Variants in CTCF observed in about 807,000 individuals in gnomAD.
CTCF encodes CCCTC-binding factor.
Under a neutral mutation model 72.3 loss-of-function variants are expected in CTCF, and 7 were observed. The observed-to-expected ratio is 0.10, with a 90% CI of 0.06 to 0.18. The LOEUF is 0.18. Ranked by LOEUF, CTCF falls within the 10% of genes least tolerant of loss-of-function variation. CTCF has a pLI of 1.00. For synonymous variants in CTCF, 374 were observed against 315.8 expected, an observed-to-expected ratio of 1.18 and a Z score of -1.95; for missense variants, 516 against 949.1, an observed-to-expected ratio of 0.54 and a Z score of 6.00.
rs374563183 is a variant in CTCF at position 67,628,363 on chromosome 16, G to A, written c.1519-7G>A. The A allele has an allele frequency of 4.9e-5, 79 of 1,612,094 alleles. No homozygotes were observed. In the East Asian group the frequency reaches 9.8e-4, roughly 20 times the overall value. ...GCTCTGAGGCCTTTCCCCCTATGCC[G>A]TTTCAGGAGAGGCACATGATCATGC... On this transcript the variant is annotated splice_polypyrimidine_tract_variant and splice_region_variant and intron_variant, in intron 8 of 11. Transcript: ENST00000264010.
At chr16:67,637,648 T>G in intron 11 of CTCF, 40 bp from the exon 12 acceptor site, 1 of 1,569,150 alleles carries the variant, frequency 6.4e-7, no homozygotes, top group Non-Finnish European at 8.7e-7. Flanking sequence ...TCTTGGGGCT[T>G]TAATGGACCA....
intron 2 of CTCF, among the ~76,000 whole-genome samples, chr16:67,604,386 A>G (rs938889770): frequency 6.6e-6 from 1 of 152,118 alleles, no homozygotes; most frequent in Non-Finnish European, 1.5e-5. Context: ...CTCTGTTGCC[A>G]GGCTGGAGTG....
intron 10 of CTCF, among the ~76,000 whole-genome samples, chr16:67,631,150 G>C (rs1006498468): frequency 1.5e-5 from 2 of 132,532 alleles, no homozygotes; most frequent in Non-Finnish European, 3.2e-5. Flanking sequence ...TTTGTTCTTT[G>C]TTTGTTTTTT....
intron 7 of CTCF, 67 bp downstream of exon 7, chr16:67,621,658 A>T: frequency 8.2e-7 from 1 of 1,213,448 alleles, no homozygotes; most frequent in Non-Finnish European, 1.2e-6. Context: ...AAATATGGGG[A>T]TCAAAAATAA....
intron 8 of CTCF, 101 bp from the exon 9 acceptor site, chr16:67,628,268 AG>A: frequency 9.8e-7 from 1 of 1,023,296 alleles, no homozygotes; most frequent in Non-Finnish European, 1.4e-6. Flanking sequence ...GTCTAGACCT[AG>A]CTTGGGTGAG....
chr16:67,626,975 TGAG>T (rs1282321779), intron 8 of CTCF: 2 of 305,702 alleles, frequency 6.5e-6, no homozygotes, highest in Non-Finnish European at 6.0e-6. Context: ...GTCCAGGACT[TGAG>T]AGAGGGGAAG....
intron 2 of CTCF, among the ~76,000 whole-genome samples, chr16:67,588,688 A>G (rs1010458759): frequency 6.6e-6 from 1 of 151,444 alleles, no homozygotes; most frequent in African/African-American, 2.4e-5. Context: ...CCACATCAAA[A>G]TAATATATAT....
At position 67,611,133 on chromosome 16, in the gene CTCF, G is replaced by A; in HGVS notation, c.301G>A (p.Val101Ile). 1 of 1,614,220 alleles carries A rather than the reference G, an allele frequency of 6.2e-7. No homozygotes were observed. The highest frequency in any genetic ancestry group is 1.1e-5 in the South Asian group (1 of 91,090). The change falls in exon 3 of 12, where the codon GTA becomes ATA. Residue 101 changes from valine (V) to isoleucine (I), a missense_variant. This residue lies in a region of CTCF where 148 missense variants were observed against 194.9 expected (regional missense o/e 0.76). Transcript: ENST00000264010. ...TACCCAGATTATAACTTTACAGGTT[G>A]TAAATATGGAGGAACAGCCCATAAA... ...DDTQIITLQV[V>I]NMEEQPINIG... is the part of the protein sequence containing the mutation.
intron 1 of CTCF, among the ~76,000 whole-genome samples, chr16:67,565,084 C>T (rs2051325085): frequency 6.6e-6 from 1 of 151,892 alleles, no homozygotes; most frequent in African/African-American, 2.4e-5. Flanking sequence ...TCACTGCAAC[C>T]TCTGCCTCCC....
chr16:67,584,150 C>T lies in CTCF; in HGVS notation c.-10+12886C>T, dbSNP rs142013216. 9.9e-3 allele frequency among the ~76,000 whole-genome samples: 1,499 copies of T among 151,786 alleles called. 20 individuals are homozygous for T. Among genetic ancestry groups the T allele is most frequent in the Admixed American group, 0.011 (169 of 15,228 alleles). On this transcript the variant is annotated intron_variant, in intron 2 of 11. Transcript: ENST00000264010. ...ACTTTGGAGGCCGAAGTGGGTGGAT[C>T]ACCTGAGGTCAGGAGTTCGAGACTA...
At chr16:67,605,143 T>C (rs2051957497) in intron 2 of CTCF, among the ~76,000 whole-genome samples, 1 of 151,964 alleles carries the variant, frequency 6.6e-6, no homozygotes, top group Non-Finnish European at 1.5e-5. Context: ...TGGCTAATTT[T>C]TTGTATTTTT....
intron 2 of CTCF, among the ~76,000 whole-genome samples, chr16:67,591,696 C>T (rs1437668838): frequency 1.3e-5 from 2 of 151,526 alleles, no homozygotes; most frequent in African/African-American, 4.9e-5. Flanking sequence ...TCCTTTCATC[C>T]TCAGGAAAAA....
chr16:67,605,205 C>T (rs2051958381), intron 2 of CTCF, among the ~76,000 whole-genome samples: 1 of 152,102 alleles, frequency 6.6e-6, no homozygotes, highest in Admixed American at 6.5e-5. Flanking sequence ...GGTCTCCTGA[C>T]CTCATGATCC....
At chr16:67,604,319 A>G (rs183229096) in intron 2 of CTCF, among the ~76,000 whole-genome samples, 31 of 151,408 alleles carry the variant, frequency 2.0e-4, no homozygotes, top group Admixed American at 4.0e-4. Context: ...AAGCATAACA[A>G]TTTTTTTTGT....
At position 67,620,681 on chromosome 16, in the gene CTCF, T is replaced by G. The variant is rs772475574; in HGVS notation, c.1087-16T>G. On this transcript the variant is annotated splice_polypyrimidine_tract_variant and intron_variant, in intron 5 of 11. Coordinates refer to ENST00000264010, the MANE Select transcript of CTCF (RefSeq NM_006565.4). ...GTGTTAACAGAAGTTAAAGTTCGGT[T>G]GTTTTCGTATTTCAGGTCAGCAAAT... 5.2e-6 allele frequency: 8 copies of G among 1,541,736 alleles called. No homozygotes were observed. Among genetic ancestry groups the G allele is most frequent in the African/African-American group, 1.4e-5 (1 of 73,858 alleles).
At position 67,620,831 on chromosome 16, in the gene CTCF, A is replaced by G; in HGVS notation, c.1207+14A>G. The G allele has an allele frequency of 6.4e-7, 1 of 1,566,408 alleles. No individual in the cohort carries two copies. The highest frequency in any genetic ancestry group is 8.7e-7 in the Non-Finnish European group (1 of 1,145,844). On this transcript the variant is annotated intron_variant, in intron 6 of 11. Coordinates refer to ENST00000264010, the MANE Select transcript of CTCF (RefSeq NM_006565.4). ...GAACCCATTCAGGTAGGACTTCTCC[A>G]CTCCTTACTGTATTAATGAGCTTCT...
intron 8 of CTCF, chr16:67,628,038 C>G (rs563724875): frequency 9.7e-6 from 2 of 205,580 alleles, no homozygotes; most frequent in African/African-American, 4.8e-5. Flanking sequence ...GAGGTTGCAG[C>G]GAGCCAAGAT....
In CTCF at chr16:67,638,080, C is replaced by T; in HGVS notation, c.*208C>T. 1.8e-6 allele frequency: 1 copy of T among 548,540 alleles called. No individual in the cohort carries two copies. Among genetic ancestry groups the T allele is most frequent in the Non-Finnish European group, 3.2e-6 (1 of 309,908 alleles). The allele number at this position is 548,540 out of a possible 1,614,324, so 34.0% of individuals were successfully genotyped here. A position where few individuals can be genotyped will look rare whatever the true frequency, so the allele number is the denominator to read the frequency against. ...TGATGTTAGCAAATCATGGAATGTT[C>T]TGAGTCCCTGAGGGTTTACTGTGAA... On this transcript the variant is annotated 3_prime_UTR_variant, in exon 12 of 12. Transcript: ENST00000264010.
At chr16:67,621,656 G>T in intron 7 of CTCF, 65 bp downstream of exon 7, 2 of 1,242,494 alleles carry the variant, frequency 1.6e-6, no homozygotes, top group Admixed American at 1.9e-5. Flanking sequence ...CGAAATATGG[G>T]GATCAAAAAT....
Sources: allele counts gnomAD v4.1 joint callset (sites outside exome capture counted in the v4.1 genomes callset), GRCh38; gene constraint gnomAD v4.1.1; regional missense constraint gnomAD v4.1.1; transcripts MANE v1.5; gene names NCBI Gene and HGNC (gene_info 2026-07-23, HGNC 2026-07-21).